Variants in MED27 observed in about 807,000 individuals in gnomAD.
MED27 encodes the protein mediator complex subunit 27.
A neutral mutation model predicts 38.2 loss-of-function variants in MED27; 30 were observed. That is an observed-to-expected ratio of 0.79 (90% CI 0.59 to 1.07). The LOEUF is 1.07. MED27 is among the 50% of genes least tolerant of loss of function. MED27 has a pLI of 0.00. For missense variants in MED27, 289 were observed against 397.5 expected, an observed-to-expected ratio of 0.73 and a Z score of 2.32; for synonymous variants, 122 against 153.5, an observed-to-expected ratio of 0.79 and a Z score of 1.52.
intron 3 of MED27, among the ~76,000 whole-genome samples, chr9:131,943,553 T>C (rs1032715648): frequency 2.6e-5 from 4 of 152,170 alleles, no homozygotes; most frequent in Non-Finnish European, 4.4e-5. Flanking sequence ...CCACCATATG[T>C]TACACTCTGT....
At chr9:132,059,668 C>A (rs527506013) in intron 2 of MED27, among the ~76,000 whole-genome samples, 1 of 152,330 alleles carries the variant, frequency 6.6e-6, no homozygotes, top group Non-Finnish European at 1.5e-5. Flanking sequence ...GCCATTTGTA[C>A]ATCATGGCTG....
chr9:131,929,225 T>A (rs1467324592), intron 4 of MED27, among the ~76,000 whole-genome samples: 1 of 152,092 alleles, frequency 6.6e-6, no homozygotes, highest in East Asian at 1.9e-4. Context: ...GACACCCAGG[T>A]GGTATGCCGT....
chr9:132,046,174 A>C (rs1833333247), intron 2 of MED27, among the ~76,000 whole-genome samples: 1 of 152,258 alleles, frequency 6.6e-6, no homozygotes. Flanking sequence ...GAGATATGTT[A>C]AGGTAATAAA....
At chr9:131,987,394 G>A (rs1377125461) in intron 3 of MED27, among the ~76,000 whole-genome samples, 3 of 152,142 alleles carry the variant, frequency 2.0e-5, no homozygotes, top group Non-Finnish European at 2.9e-5. Context: ...TGTCCCTAAA[G>A]TAGCAAAGCG....
Position 131,883,903 on chromosome 9 carries a change from G to T in MED27, c.723+155C>A. Reference sequence around the variant, plus strand: ...GTCCCTAAGGTTTTGTTTTTTTCCAGAATGTCATACATATGGAATCAGACA... The same window carrying T: ...GTCCCTAAGGTTTTGTTTTTTTCCATAATGTCATACATATGGAATCAGACA... On this transcript the variant is annotated intron_variant, in intron 6 of 7. Transcript: ENST00000292035. The surrounding 1 kb of genome is among the most constrained non-coding windows in gnomAD (Gnocchi z 4.2). 1 of 637,858 alleles carries T rather than the reference G, an allele frequency of 1.6e-6. No individual in the cohort carries two copies. Among genetic ancestry groups the T allele is most frequent in the South Asian group, 2.4e-5 (1 of 42,092 alleles). The allele number at this position is 637,858 out of a possible 1,614,324, so 39.5% of individuals were successfully genotyped here.
chr9:131,899,303 T>G (rs1354474938), intron 4 of MED27, among the ~76,000 whole-genome samples: 1 of 152,006 alleles, frequency 6.6e-6, no homozygotes, highest in Non-Finnish European at 1.5e-5. Context: ...TGAGAGGGGG[T>G]GACAGTTGTG....
At chr9:131,975,411 A>G (rs1831582645) in intron 3 of MED27, among the ~76,000 whole-genome samples, 1 of 152,246 alleles carries the variant, frequency 6.6e-6, no homozygotes, top group Admixed American at 6.5e-5. Flanking sequence ...CTCAACAGAC[A>G]AGGGCAGAAG....
intron 4 of MED27, among the ~76,000 whole-genome samples, chr9:131,930,175 C>T (rs1219435320): frequency 2.0e-5 from 3 of 152,156 alleles, no homozygotes; most frequent in Admixed American, 6.5e-5. Flanking sequence ...AGAAAAAAGA[C>T]GGGTACAAAG....
At chr9:132,029,042 AG>A (rs1277047638) in intron 2 of MED27, among the ~76,000 whole-genome samples, 1 of 152,240 alleles carries the variant, frequency 6.6e-6, no homozygotes, top group Non-Finnish European at 1.5e-5. Context: ...AACTAAGAGA[AG>A]GACACAGCTC....
intron 4 of MED27, among the ~76,000 whole-genome samples, chr9:131,902,722 T>G (rs1205870588): frequency 6.6e-6 from 1 of 152,186 alleles, no homozygotes; most frequent in Non-Finnish European, 1.5e-5. Context: ...GTGGCTCCCG[T>G]GTCCAGACTA....
intron 4 of MED27, among the ~76,000 whole-genome samples, chr9:131,895,478 A>G (rs1829815647): frequency 6.6e-6 from 1 of 152,110 alleles, no homozygotes; most frequent in Non-Finnish European, 1.5e-5. Context: ...CAGTTTTCCA[A>G]CTGATCATCC....
chr9:132,034,030 C>T (rs1274847463), intron 2 of MED27, among the ~76,000 whole-genome samples: 2 of 152,072 alleles, frequency 1.3e-5, no homozygotes, highest in African/African-American at 2.4e-5. Flanking sequence ...TATAACAGTG[C>T]CAATCTCAGA....
chr9:132,024,554 T>C (rs913880944), intron 2 of MED27, among the ~76,000 whole-genome samples: 1 of 152,228 alleles, frequency 6.6e-6, no homozygotes, highest in Non-Finnish European at 1.5e-5. Flanking sequence ...GCATGTCAGA[T>C]AACAAATTGA....
At position 131,943,322 on chromosome 9, in the gene MED27, G is replaced by A. The variant is rs150946914; in HGVS notation, c.480-3848C>T. Among the ~76,000 whole-genome samples the A allele has an allele frequency of 3.6e-3, 542 of 152,246 alleles. 2 individuals are homozygous for A. The highest frequency in any genetic ancestry group is 5.5e-3 in the Non-Finnish European group (376 of 68,022). On this transcript the variant is annotated intron_variant, in intron 3 of 7. Transcript: ENST00000292035. ...TAGTGACTTGACAGAAATAAGGAAAGCTTGGAAGCTCAAATTAAAAATCTA... is the reference window on the plus strand; with the variant it reads ...TAGTGACTTGACAGAAATAAGGAAAACTTGGAAGCTCAAATTAAAAATCTA...
chr9:131,994,971 G>T (rs896095560), intron 3 of MED27, among the ~76,000 whole-genome samples: 4 of 152,224 alleles, frequency 2.6e-5, no homozygotes, highest in African/African-American at 9.6e-5. Flanking sequence ...CTCACTCGGG[G>T]TGACAGAAAA....
At chr9:131,865,082 A>G (rs1364116671) in intron 6 of MED27, among the ~76,000 whole-genome samples, 1 of 152,228 alleles carries the variant, frequency 6.6e-6, no homozygotes, top group African/African-American at 2.4e-5. Context: ...AGTAAACTTA[A>G]AAACGCCCAC....
chr9:132,070,858 C>A (rs988445118), intron 2 of MED27, among the ~76,000 whole-genome samples: 3 of 151,332 alleles, frequency 2.0e-5, no homozygotes, highest in Non-Finnish European at 4.4e-5. Context: ...GAAAGAACTG[C>A]CCCCCACACA....
At chr9:132,029,027 C>G (rs577263867) in intron 2 of MED27, among the ~76,000 whole-genome samples, 1 of 152,222 alleles carries the variant, frequency 6.6e-6, no homozygotes, top group South Asian at 2.1e-4. Flanking sequence ...AGACAAGTCA[C>G]GGTCAACTAA....
At chr9:132,002,746 T>C (rs1159301992) in intron 3 of MED27, among the ~76,000 whole-genome samples, 2 of 151,776 alleles carry the variant, frequency 1.3e-5, no homozygotes, top group Non-Finnish European at 2.9e-5. Flanking sequence ...ACCCCGTCTC[T>C]ACTAAAAATA....
Sources: allele counts gnomAD v4.1 joint callset (sites outside exome capture counted in the v4.1 genomes callset), GRCh38; gene constraint gnomAD v4.1.1; non-coding constraint Gnocchi (gnomAD v3.1); transcripts MANE v1.5; gene names NCBI Gene and HGNC (gene_info 2026-07-23, HGNC 2026-07-21).